PDZRN3: variants seen among roughly 807,000 people sequenced by gnomAD.
PDZRN3 encodes the protein E3 ubiquitin-protein ligase PDZRN3.
Under a neutral mutation model 85.7 loss-of-function variants are expected in PDZRN3, and 38 were observed. That is an observed-to-expected ratio of 0.44 (90% CI 0.34 to 0.58). The LOEUF (loss-of-function observed/expected upper bound fraction) is 0.58, where lower values mean the gene tolerates loss of function less well. Ranked by LOEUF, PDZRN3 falls within the 20% of genes least tolerant of loss-of-function variation. The pLI, the probability that PDZRN3 is intolerant of heterozygous loss-of-function variation, is 0.01. For missense variants in PDZRN3, 1,629 were observed against 1,506.4 expected, an observed-to-expected ratio of 1.08 and a Z score of -1.35; for synonymous variants, 759 against 638.0, an observed-to-expected ratio of 1.19 and a Z score of -2.86.
At chr3:73,510,465 T>C (rs1160692958) in intron 3 of PDZRN3, among the ~76,000 whole-genome samples, 6 of 152,302 alleles carry the variant, frequency 3.9e-5, no homozygotes, top group East Asian at 3.9e-4. Context: ...TATCCAGTTA[T>C]AGGGGAATAA....
At chr3:73,548,513 C>A (rs990029943) in intron 3 of PDZRN3, among the ~76,000 whole-genome samples, 20 of 152,184 alleles carry the variant, frequency 1.3e-4, no homozygotes, top group African/African-American at 4.6e-4. Flanking sequence ...GACTGTCTTG[C>A]GGAGAGCTCA....
At chr3:73,613,061 G>C (rs945003479) in intron 1 of PDZRN3, among the ~76,000 whole-genome samples, 5 of 152,194 alleles carry the variant, frequency 3.3e-5, no homozygotes, top group Admixed American at 3.3e-4. Flanking sequence ...AAGCAAGTTT[G>C]GAAGAGCTGG....
intron 3 of PDZRN3, among the ~76,000 whole-genome samples, chr3:73,599,488 T>G (rs374762265): frequency 1.4e-4 from 21 of 152,332 alleles, no homozygotes; most frequent in South Asian, 6.2e-4. Flanking sequence ...GAAAAAGTTC[T>G]GGAGATGGAT....
chr3:73,530,146 T>A lies in PDZRN3; in HGVS notation c.918+72208A>T, dbSNP rs183475498. ...TTCCCATCGCACTCTGGGGGTCAAA[T>A]TTTGGCCTCACCACAGTGGTTCTGT... On this transcript the variant is annotated intron_variant, in intron 3 of 9. Transcript: ENST00000263666. Among the ~76,000 whole-genome samples the A allele has an allele frequency of 8.3e-4, 127 of 152,288 alleles. 1 individual carries two copies. Among genetic ancestry groups the A allele is most frequent in the African/African-American group, 3.0e-3 (124 of 41,570 alleles).
At chr3:73,387,880 G>C in intron 8 of PDZRN3, 88 bp downstream of exon 8, 1 of 649,470 alleles carries the variant, frequency 1.5e-6, no homozygotes, top group East Asian at 2.6e-5. Flanking sequence ...CAAGTTCGCA[G>C]CCAATACTCA....
chr3:73,511,350 G>C (rs375047850), intron 3 of PDZRN3, among the ~76,000 whole-genome samples: 1 of 152,242 alleles, frequency 6.6e-6, no homozygotes, highest in African/African-American at 2.4e-5. Context: ...GTCCATGCTA[G>C]AAAAAAGATC....
At chr3:73,440,659 C>A (rs1416247582) in intron 3 of PDZRN3, among the ~76,000 whole-genome samples, 1 of 152,190 alleles carries the variant, frequency 6.6e-6, no homozygotes, top group East Asian at 1.9e-4. Flanking sequence ...ATCTTTGTAA[C>A]CCCTGAAATG....
At chr3:73,581,877 T>C (rs181893452) in intron 3 of PDZRN3, among the ~76,000 whole-genome samples, 427 of 150,590 alleles carry the variant, frequency 2.8e-3, no homozygotes, top group African/African-American at 8.2e-3. Flanking sequence ...GGCAAGAAGA[T>C]AGCTTGAGCT....
chr3:73,612,341 T>C (rs1293899397), intron 1 of PDZRN3, among the ~76,000 whole-genome samples: 2 of 152,310 alleles, frequency 1.3e-5, no homozygotes, highest in Non-Finnish European at 2.9e-5. Flanking sequence ...TGTACTGTGC[T>C]GGTAAATGTT....
At chr3:73,607,302 G>A (rs144397091) in intron 2 of PDZRN3, among the ~76,000 whole-genome samples, 183 of 152,206 alleles carry the variant, frequency 1.2e-3, no homozygotes, top group South Asian at 3.7e-3. Context: ...TAATGTATTC[G>A]TTTGGTACTG....
chr3:73,472,132 C>T (rs1055163574), intron 3 of PDZRN3, among the ~76,000 whole-genome samples: 1 of 152,196 alleles, frequency 6.6e-6, no homozygotes, highest in Admixed American at 6.5e-5. Flanking sequence ...GAAAACAACA[C>T]ACAGCTCCTC....
intron 3 of PDZRN3, among the ~76,000 whole-genome samples, chr3:73,519,769 G>A (rs80347192): frequency 0.014 from 2,201 of 152,296 alleles, 47 homozygotes; most frequent in African/African-American, 0.05. Flanking sequence ...AATGTGATAG[G>A]AGGGCAGATT....
intron 3 of PDZRN3, among the ~76,000 whole-genome samples, chr3:73,586,182 T>C (rs532842160): frequency 6.6e-6 from 1 of 152,300 alleles, no homozygotes; most frequent in South Asian, 2.1e-4. Context: ...GGCAACCCCA[T>C]TCATTCCCCT....
At chr3:73,517,263 T>A (rs1704272674) in intron 3 of PDZRN3, among the ~76,000 whole-genome samples, 1 of 152,232 alleles carries the variant, frequency 6.6e-6, no homozygotes, top group Non-Finnish European at 1.5e-5. Flanking sequence ...TGACTAACTT[T>A]TGGCAAGTTA....
intron 3 of PDZRN3, among the ~76,000 whole-genome samples, chr3:73,509,614 C>T (rs554559156): frequency 5.4e-4 from 83 of 152,308 alleles, no homozygotes; most frequent in Admixed American, 5.4e-3. Flanking sequence ...AGAAGTATCT[C>T]TCACCTGAGA....
intron 3 of PDZRN3, among the ~76,000 whole-genome samples, chr3:73,439,728 A>ATATTT (rs55923666): frequency 0.22 from 33,775 of 150,900 alleles, 4,903 homozygotes; most frequent in East Asian, 0.52. Flanking sequence ...TTAGGCCCTC[A>ATATTT]TATTTTATTT....
At chr3:73,573,082 G>A (rs1446684756) in intron 3 of PDZRN3, among the ~76,000 whole-genome samples, 1 of 152,144 alleles carries the variant, frequency 6.6e-6, no homozygotes, top group East Asian at 1.9e-4. Context: ...GAAACCAGGG[G>A]TCATCTGTTG....
intron 3 of PDZRN3, among the ~76,000 whole-genome samples, chr3:73,420,861 T>C (rs931523496): frequency 1.3e-5 from 2 of 152,196 alleles, no homozygotes; most frequent in Non-Finnish European, 2.9e-5. Flanking sequence ...TGATATAAAA[T>C]GGCACACAGA....
At chr3:73,503,946 A>T (rs1393673768) in intron 3 of PDZRN3, among the ~76,000 whole-genome samples, 3 of 152,190 alleles carry the variant, frequency 2.0e-5, no homozygotes, top group Non-Finnish European at 4.4e-5. Context: ...TGCATCTGAA[A>T]CGTAACTCAG....
Sources: gnomAD v4.1 joint callset for allele counts (sites outside exome capture counted in the v4.1 genomes callset) on GRCh38, gnomAD v4.1.1 for gene constraint, MANE v1.5 for transcripts, NCBI Gene and HGNC (gene_info 2026-07-23, HGNC 2026-07-21) for gene names.